TENM3: variants seen among roughly 807,000 people sequenced by gnomAD.
The protein encoded by TENM3 is teneurin-3.
Under a neutral mutation model 255.1 loss-of-function variants are expected in TENM3, and 63 were observed. The observed-to-expected ratio is 0.25, with a 90% confidence interval of 0.20 to 0.30. The LOEUF is 0.30. Among genes scored for constraint, TENM3 ranks in the 10% least tolerant of loss-of-function variants. The pLI is 1.00. For synonymous variants in TENM3, 1,306 were observed against 1,322.3 expected (o/e 0.99, Z 0.27); for missense variants, 2,929 against 3,461.1 (o/e 0.85, Z 3.86).
At chr4:182,201,923 G>A (rs1338082139) in intron 1 of TENM3, among the ~76,000 whole-genome samples, 4 of 152,144 alleles carry the variant, frequency 2.6e-5, no homozygotes, top group Admixed American at 2.0e-4. Context: ...GCATTTTCAG[G>A]TATTTTGGTA....
rs549610562 is a variant in TENM3 at position 182,323,576 on chromosome 4, A to G, written c.-75-370A>G. The stretch of plus-strand genomic sequence containing the variant: ...AATTTATTTTGAATGGAGAAATGCT[A>G]TAAAGAGAAAAAGCCATTCTAACTT... On this transcript the variant is annotated intron_variant, in intron 1 of 27. Coordinates refer to ENST00000511685, the MANE Select transcript of TENM3 (RefSeq NM_001080477.4). 2.0e-5 allele frequency among the ~76,000 whole-genome samples: 3 copies of G among 152,336 alleles called. No individual in the cohort carries two copies. In the East Asian group the frequency reaches 5.8e-4, roughly 29 times the overall value.
chr4:181,795,096 T>G, the TENM3 span, among the ~76,000 whole-genome samples: 13 of 152,344 alleles, frequency 8.5e-5, no homozygotes, highest in Non-Finnish European at 1.8e-4. Context: ...TCTTGCATGC[T>G]TGCTGTAGGT....
At chr4:181,564,621 G>GTCAAAACATCCTCCTTCC in the TENM3 span, among the ~76,000 whole-genome samples, 1 of 152,008 alleles carries the variant, frequency 6.6e-6, no homozygotes, top group African/African-American at 2.4e-5. Context: ...AGGGGTCTTC[G>GTCAAAACATCCTCCTTCC]TCAAAACATC....
At chr4:181,710,361 G>A in the TENM3 span, among the ~76,000 whole-genome samples, 1 of 152,144 alleles carries the variant, frequency 6.6e-6, no homozygotes, top group Non-Finnish European at 1.5e-5. Flanking sequence ...GACCAAATAA[G>A]ATGCAGACTG....
At chr4:181,705,223 G>T in the TENM3 span, among the ~76,000 whole-genome samples, 3 of 152,170 alleles carry the variant, frequency 2.0e-5, no homozygotes, top group African/African-American at 7.2e-5. Context: ...AATTGCAAGA[G>T]TGAAATATCT....
At chr4:181,819,143 G>A in the TENM3 span, among the ~76,000 whole-genome samples, 1 of 152,088 alleles carries the variant, frequency 6.6e-6, no homozygotes, top group Non-Finnish European at 1.5e-5. Flanking sequence ...CATCTACCAT[G>A]AGATTCCTTC....
intron 3 of TENM3, among the ~76,000 whole-genome samples, chr4:182,533,009 C>A (rs968222046): frequency 6.6e-6 from 1 of 152,168 alleles, no homozygotes; most frequent in Admixed American, 6.5e-5. Context: ...AAGTGATTCC[C>A]CGATTATGAT....
the TENM3 span, among the ~76,000 whole-genome samples, chr4:181,612,392 A>T: frequency 1.3e-5 from 2 of 152,160 alleles, no homozygotes. Flanking sequence ...CAGGGGGGAA[A>T]TCAAATGAGG....
At chr4:182,448,089 G>A (rs964494053) in intron 3 of TENM3, among the ~76,000 whole-genome samples, 2 of 151,766 alleles carry the variant, frequency 1.3e-5, no homozygotes, top group South Asian at 4.1e-4. Flanking sequence ...AGAGTGGCTC[G>A]GGCCACTTGC....
chr4:181,641,550 GTGTGTATATATA>G, the TENM3 span, among the ~76,000 whole-genome samples: 108 of 49,044 alleles, frequency 2.2e-3, 3 homozygotes, highest in African/African-American at 0.012. Flanking sequence ...TCCATGGTGT[GTGTGTATATATA>G]TATATATATA....
At chr4:182,292,970 G>A (rs1380517985) in intron 1 of TENM3, among the ~76,000 whole-genome samples, 1 of 152,134 alleles carries the variant, frequency 6.6e-6, no homozygotes, top group East Asian at 1.9e-4. Flanking sequence ...AGGTGGGAGC[G>A]GGCATGGTGC....
chr4:182,310,777 G>A (rs1378713651), intron 1 of TENM3, among the ~76,000 whole-genome samples: 2 of 152,014 alleles, frequency 1.3e-5, no homozygotes, highest in Non-Finnish European at 2.9e-5. Flanking sequence ...CACGATCTTG[G>A]CTCACTGCAG....
intron 1 of TENM3, among the ~76,000 whole-genome samples, chr4:182,160,254 G>A (rs1039370726): frequency 2.0e-5 from 3 of 151,844 alleles, no homozygotes; most frequent in Non-Finnish European, 4.4e-5. Context: ...CGCCCGCCTC[G>A]GCCTCCCAAA....
At chr4:181,640,067 C>A in the TENM3 span, among the ~76,000 whole-genome samples, 1 of 152,128 alleles carries the variant, frequency 6.6e-6, no homozygotes, top group African/African-American at 2.4e-5. Context: ...ACAGCACTCA[C>A]CAAAAGGAGA....
At chr4:181,864,580 C>T in the TENM3 span, among the ~76,000 whole-genome samples, 12 of 152,100 alleles carry the variant, frequency 7.9e-5, no homozygotes, top group Non-Finnish European at 7.4e-5. Context: ...ACTGGGAAAC[C>T]GGTGTGGGTA....
chr4:181,853,913 G>A, the TENM3 span, among the ~76,000 whole-genome samples: 5 of 152,266 alleles, frequency 3.3e-5, no homozygotes, highest in Admixed American at 1.3e-4. Context: ...CTCTGCCTTC[G>A]TGCTATAGAA....
chr4:182,463,552 A>G (rs34245836), intron 3 of TENM3, among the ~76,000 whole-genome samples: 1 of 149,886 alleles, frequency 6.7e-6, no homozygotes, highest in Non-Finnish European at 1.5e-5. Flanking sequence ...CTCACTGCAA[A>G]CTCCACCTCC....
the TENM3 span, among the ~76,000 whole-genome samples, chr4:181,933,222 C>T: frequency 1.3e-5 from 2 of 151,808 alleles, no homozygotes; most frequent in African/African-American, 4.8e-5. Flanking sequence ...CAGTCAAACC[C>T]AAGGTTAGAA....
intron 1 of TENM3, among the ~76,000 whole-genome samples, chr4:182,298,521 C>T (rs1471761974): frequency 6.6e-6 from 1 of 152,122 alleles, no homozygotes; most frequent in South Asian, 2.1e-4. Context: ...AAAAATGGAC[C>T]TCAGATTGAA....
Sources: gnomAD v4.1 joint callset for allele counts (sites outside exome capture counted in the v4.1 genomes callset) on GRCh38, gnomAD v4.1.1 for gene constraint, MANE v1.5 for transcripts, NCBI Gene and HGNC (gene_info 2026-07-23, HGNC 2026-07-21) for gene names.